Variants in LHCGR observed in about 807,000 individuals in gnomAD.
LHCGR encodes lutropin-choriogonadotropic hormone receptor.
Under a neutral mutation model 60.7 loss-of-function variants are expected in LHCGR, and 55 were observed. That is an observed-to-expected ratio of 0.91 (90% CI 0.73 to 1.13). LHCGR has a LOEUF of 1.13. LHCGR is among the 50% of genes most tolerant of loss of function. The pLI is 0.00. For synonymous variants in LHCGR, 337 were observed against 316.5 expected, an observed-to-expected ratio of 1.06 and a Z score of -0.69; for missense variants, 862 against 836.0, an observed-to-expected ratio of 1.03 and a Z score of -0.38.
intron 8 of LHCGR, among the ~76,000 whole-genome samples, chr2:48,703,831 A>T (rs1365661440): frequency 6.6e-6 from 1 of 152,218 alleles, no homozygotes; most frequent in Non-Finnish European, 1.5e-5. Flanking sequence ...TGTCATCTGC[A>T]AACAGAGACA....
chr2:48,688,947 C>A lies in LHCGR; in HGVS notation c.948-98G>T, dbSNP rs1424940151. The stretch of plus-strand genomic sequence containing the variant: ...TTAAAGGCAAAGAAACAAAAGGAAA[C>A]AAAGCCATAATAGCCTCAGCCTTAC... On this transcript the variant is annotated intron_variant, in intron 10 of 10. Coordinates refer to ENST00000294954, the MANE Select transcript of LHCGR (RefSeq NM_000233.4). This position sits in a 1 kb window ranked among gnomAD's most constrained non-coding sequence, Gnocchi z 5.2. 9.1e-7 allele frequency: 1 copy of A among 1,103,892 alleles called. No homozygotes were observed. Among genetic ancestry groups the A allele is most frequent in the Non-Finnish European group, 1.3e-6 (1 of 741,046 alleles). 68.4% of individuals were successfully genotyped at this position (1,103,892 alleles called of 1,614,324 possible). A position where few individuals can be genotyped will look rare whatever the true frequency, so the allele number is the denominator to read the frequency against.
At chr2:48,709,732 C>T (rs1380639692) in intron 7 of LHCGR, among the ~76,000 whole-genome samples, 1 of 152,162 alleles carries the variant, frequency 6.6e-6, no homozygotes, top group African/African-American at 2.4e-5. Context: ...GGCTCTGCTG[C>T]CTTGAGCTCA....
At chr2:48,738,670 G>C (rs989489636) in intron 1 of LHCGR, among the ~76,000 whole-genome samples, 1 of 152,178 alleles carries the variant, frequency 6.6e-6, no homozygotes, top group Non-Finnish European at 1.5e-5. Flanking sequence ...TTAGCCATAT[G>C]TGGCCACTGG....
chr2:48,692,397 C>A (rs1572813733), intron 10 of LHCGR, among the ~76,000 whole-genome samples: 1 of 152,172 alleles, frequency 6.6e-6, no homozygotes, highest in South Asian at 2.1e-4. Flanking sequence ...GTCCTTTGTC[C>A]TTTCTTTTTT....
At chr2:48,722,331 T>C (rs1668535408) in intron 6 of LHCGR, among the ~76,000 whole-genome samples, 1 of 152,188 alleles carries the variant, frequency 6.6e-6, no homozygotes, top group African/African-American at 2.4e-5. Flanking sequence ...TGTGAATCAC[T>C]TGGGATCTTG....
At chr2:48,733,654 G>A (rs1572878041) in intron 1 of LHCGR, among the ~76,000 whole-genome samples, 1 of 152,142 alleles carries the variant, frequency 6.6e-6, no homozygotes, top group Non-Finnish European at 1.5e-5. Context: ...TGGGGAGAGA[G>A]GTGGGGTTAG....
chr2:48,714,057 G>A lies in LHCGR; in HGVS notation c.537-3C>T. 22 of 1,609,794 alleles carry A rather than the reference G, an allele frequency of 1.4e-5. No individual in the cohort carries two copies. Among genetic ancestry groups the A allele is most frequent in the Non-Finnish European group, 1.9e-5 (22 of 1,176,152 alleles). ...CAAATCCATTTCCATATAGTTTGCT[G>A]AAGGAGGGAGGAGAGGGTTTAGGAA... On this transcript the variant is annotated splice_region_variant and splice_polypyrimidine_tract_variant and intron_variant, in intron 6 of 10. Transcript: ENST00000294954.
At chr2:48,698,513 G>C (rs377201411) in intron 9 of LHCGR, 102 bp downstream of exon 9, 13 of 900,786 alleles carry the variant, frequency 1.4e-5, no homozygotes, top group Non-Finnish European at 2.0e-5. Flanking sequence ...TGGCCAAGAA[G>C]GTAGGGAGTG....
At chr2:48,754,321 G>A (rs1196837720) in intron 1 of LHCGR, among the ~76,000 whole-genome samples, 1 of 152,112 alleles carries the variant, frequency 6.6e-6, no homozygotes, top group African/African-American at 2.4e-5. Flanking sequence ...GACTGTTGGG[G>A]GCTCAAAGGA....
chr2:48,751,107 G>A (rs1026748280), intron 1 of LHCGR, among the ~76,000 whole-genome samples: 7 of 152,192 alleles, frequency 4.6e-5, no homozygotes, highest in African/African-American at 1.7e-4. Context: ...GGAAGATGGA[G>A]GTGGAGTGGG....
chr2:48,748,466 T>C (rs1307026904), intron 1 of LHCGR, among the ~76,000 whole-genome samples: 5 of 152,154 alleles, frequency 3.3e-5, no homozygotes, highest in African/African-American at 1.2e-4. Flanking sequence ...AAGTTTGGGC[T>C]GAAAAGGCCA....
intron 6 of LHCGR, among the ~76,000 whole-genome samples, chr2:48,717,796 C>A (rs1389575816): frequency 6.7e-6 from 1 of 148,438 alleles, no homozygotes; most frequent in African/African-American, 2.5e-5. Context: ...TCTGTACTAG[C>A]GTCATGGACT....
intron 4 of LHCGR, among the ~76,000 whole-genome samples, chr2:48,724,246 G>C (rs1668625771): frequency 6.6e-6 from 1 of 152,162 alleles, no homozygotes. Flanking sequence ...TTTGGTGTTT[G>C]GGACTATTCA....
rs1016486447 is a variant in LHCGR, at chr2:48,687,408, C to A, written c.*289G>T. ...ATGAAAAAAAAGATATGCAAAATAC[C>A]TCCTCAGTTTTTTAAAAGATTCATC... On this transcript the variant is annotated 3_prime_UTR_variant, in exon 11 of 11. Transcript: ENST00000294954. The A allele has an allele frequency of 4.9e-5, 16 of 324,912 alleles. No individual in the cohort carries two copies. The highest frequency in any genetic ancestry group is 1.7e-4 in the South Asian group (3 of 17,622). The allele number at this position is 324,912 out of a possible 1,614,324, so 20.1% of individuals were successfully genotyped here. A position where few individuals can be genotyped will look rare whatever the true frequency, so the allele number is the denominator to read the frequency against.
At chr2:48,741,894 G>A (rs1024546987) in intron 1 of LHCGR, among the ~76,000 whole-genome samples, 2 of 151,836 alleles carry the variant, frequency 1.3e-5, no homozygotes, top group African/African-American at 4.8e-5. Flanking sequence ...GACACAGACT[G>A]GCAAATTGGA....
chr2:48,746,285 G>T (rs547932612), intron 1 of LHCGR, among the ~76,000 whole-genome samples: 1 of 152,158 alleles, frequency 6.6e-6, no homozygotes, highest in Non-Finnish European at 1.5e-5. Flanking sequence ...TCTATAGCAT[G>T]CCTATGGCTT....
At chr2:48,734,149 G>A (rs541263207) in intron 1 of LHCGR, among the ~76,000 whole-genome samples, 8 of 152,226 alleles carry the variant, frequency 5.3e-5, no homozygotes, top group Admixed American at 6.5e-5. Flanking sequence ...AATTTGGACC[G>A]TACACACCTA....
At chr2:48,702,553 C>T (rs1345552934) in intron 8 of LHCGR, among the ~76,000 whole-genome samples, 1 of 152,048 alleles carries the variant, frequency 6.6e-6, no homozygotes, top group Non-Finnish European at 1.5e-5. Flanking sequence ...GAGAATGATG[C>T]TTTCCAGCTT....
chr2:48,720,166 T>C (rs1668437284), intron 6 of LHCGR: 2 of 152,180 alleles, frequency 1.3e-5, no homozygotes, highest in Admixed American at 6.5e-5. Context: ...GTCCCTGTCA[T>C]TAGAAAACCA....
Sources: gnomAD v4.1 joint callset for allele counts (sites outside exome capture counted in the v4.1 genomes callset) on GRCh38, gnomAD v4.1.1 for gene constraint, Gnocchi (gnomAD v3.1) non-coding constraint, MANE v1.5 for transcripts, NCBI Gene and HGNC (gene_info 2026-07-23, HGNC 2026-07-21) for gene names.